The following COL4A4 variants were observed in gnomAD, a reference collection of about 807,000 sequenced individuals.
COL4A4 encodes collagen type IV alpha 4 chain, also known as collagen alpha-4(IV) chain.
A neutral mutation model predicts 192.9 loss-of-function variants in COL4A4; 105 were observed. The ratio of observed to expected loss-of-function variants is 0.54; its 90% CI spans 0.46 to 0.64. The LOEUF (loss-of-function observed/expected upper bound fraction) is 0.64. Ranked by LOEUF, COL4A4 falls within the 30% of genes least tolerant of loss-of-function variation. COL4A4 has a pLI of 0.00. For synonymous variants in COL4A4, 762 were observed against 769.9 expected (o/e 0.99, Z 0.17); for missense variants, 1,967 against 2,169.3 (o/e 0.91, Z 1.85).
At chr2:226,994,511 G>A in the COL4A4 span, among the ~76,000 whole-genome samples, 3 of 152,178 alleles carry the variant, frequency 2.0e-5, no homozygotes, top group African/African-American at 7.2e-5. Context: ...TGATGGGAGA[G>A]AGCCTTTCAG....
chr2:227,136,598 C>T (rs1194996158), intron 4 of COL4A4, among the ~76,000 whole-genome samples: 3 of 152,126 alleles, frequency 2.0e-5, no homozygotes, highest in Non-Finnish European at 4.4e-5. Context: ...TGATTCTCCA[C>T]CTTAGATTGT....
Position 227,025,829 on chromosome 2 carries a change from A to C in COL4A4, c.4082-19T>G. Reference sequence around the variant, plus strand: ...CTGGGACCTAGAGGGATCCAAAGACAACAAACGAGGCCAGTCCATGATTTT... The same window carrying C: ...CTGGGACCTAGAGGGATCCAAAGACCACAAACGAGGCCAGTCCATGATTTT... On this transcript the variant is annotated intron_variant, in intron 42 of 47. Coordinates refer to ENST00000396625, the MANE Select transcript of COL4A4 (RefSeq NM_000092.5). 1 of 1,612,622 alleles carries C rather than the reference A, an allele frequency of 6.2e-7. No individual in the cohort carries two copies. The highest frequency in any genetic ancestry group is 8.5e-7 in the Non-Finnish European group (1 of 1,179,192).
At chr2:227,087,010 G>C (rs2059638363) in intron 22 of COL4A4, among the ~76,000 whole-genome samples, 1 of 152,190 alleles carries the variant, frequency 6.6e-6, no homozygotes, top group Non-Finnish European at 1.5e-5. Context: ...ATTTTCTGGG[G>C]AAAATGGAAA....
chr2:227,011,697 A>T (rs1157211075), intron 45 of COL4A4, among the ~76,000 whole-genome samples: 1 of 152,052 alleles, frequency 6.6e-6, no homozygotes, highest in African/African-American at 2.4e-5. Flanking sequence ...TTTTTCTTTT[A>T]AGAAAGAGCC....
intron 13 of COL4A4, among the ~76,000 whole-genome samples, chr2:227,103,608 C>A (rs1441690930): frequency 6.6e-6 from 1 of 152,218 alleles, no homozygotes; most frequent in Non-Finnish European, 1.5e-5. Context: ...CAGTTCTATG[C>A]ATTTGTTACC....
intron 31 of COL4A4, among the ~76,000 whole-genome samples, chr2:227,054,202 C>T (rs994691035): frequency 6.6e-6 from 1 of 152,134 alleles, no homozygotes; most frequent in Non-Finnish European, 1.5e-5. Flanking sequence ...ACCAGATGGT[C>T]TGCAAAGCCT....
At chr2:226,970,030 T>C in the COL4A4 span, among the ~76,000 whole-genome samples, 5 of 135,550 alleles carry the variant, frequency 3.7e-5, no homozygotes, top group African/African-American at 1.1e-4. Flanking sequence ...CTGGGCTGCT[T>C]TTAACCTGGT....
chr2:227,087,672 C>T (rs2059677018), intron 22 of COL4A4, among the ~76,000 whole-genome samples: 2 of 152,170 alleles, frequency 1.3e-5, no homozygotes, highest in South Asian at 4.1e-4. Context: ...CCTCCCAGCT[C>T]ATCTCCCAGC....
intron 29 of COL4A4, among the ~76,000 whole-genome samples, chr2:227,057,168 T>C (rs553373060): frequency 6.6e-6 from 1 of 152,324 alleles, no homozygotes; most frequent in South Asian, 2.1e-4. Context: ...TTCTCACAGG[T>C]TGCTATAAAG....
chr2:227,122,551 G>A (rs1037249214), intron 4 of COL4A4, among the ~76,000 whole-genome samples: 1 of 152,186 alleles, frequency 6.6e-6, no homozygotes, highest in Non-Finnish European at 1.5e-5. Flanking sequence ...TTCTTGCAGA[G>A]TCGCATCTAT....
Position 227,080,466 on chromosome 2 carries a change from C to G in COL4A4, c.1780G>C (p.Glu594Gln). 1 of 1,614,092 alleles carries G rather than the reference C, an allele frequency of 6.2e-7. No individual in the cohort carries two copies. Among genetic ancestry groups the G allele is most frequent in the Non-Finnish European group, 8.5e-7 (1 of 1,180,000 alleles). Residue 594 changes from glutamate (E) to glutamine (Q), a missense_variant, in exon 24 of 48, where the codon GAA becomes CAA. Physicochemically the swap from Glu to Gln is conservative, Grantham distance 29. Coordinates refer to ENST00000396625, the MANE Select transcript of COL4A4 (RefSeq NM_000092.5). ...ACTGGAGGTCCTGGATCCCCTTTTTCTCCAGCATGTCCATCCCGACCATGT... is the reference window on the plus strand; with the variant it reads ...ACTGGAGGTCCTGGATCCCCTTTTTGTCCAGCATGTCCATCCCGACCATGT... ...GSHGRDGHAG[E>Q]KGDPGPPGDH...
chr2:227,093,290 T>TAAACAAAACA (rs367690088), intron 20 of COL4A4, among the ~76,000 whole-genome samples: 53 of 151,932 alleles, frequency 3.5e-4, no homozygotes, highest in African/African-American at 1.2e-3. Flanking sequence ...AGCCACCAGG[T>TAAACAAAACA]AAACAAAACA....
At chr2:227,067,101 A>G (rs2058389638) in intron 25 of COL4A4, among the ~76,000 whole-genome samples, 1 of 152,088 alleles carries the variant, frequency 6.6e-6, no homozygotes, top group African/African-American at 2.4e-5. Context: ...AAACCAACAA[A>G]GATCAAAAGA....
chr2:227,059,894 G>A (rs570785050), intron 27 of COL4A4, among the ~76,000 whole-genome samples: 3 of 152,036 alleles, frequency 2.0e-5, no homozygotes, highest in East Asian at 3.9e-4. Context: ...CAACATAATA[G>A]ACAAATAATA....
intron 7 of COL4A4, among the ~76,000 whole-genome samples, chr2:227,118,079 T>G (rs1406293504): frequency 6.6e-6 from 1 of 152,068 alleles, no homozygotes; most frequent in East Asian, 1.9e-4. Flanking sequence ...TGTCTAGACG[T>G]GGGGTGACAG....
In COL4A4 at chr2:227,057,371, G is replaced by C; in HGVS notation, c.2545+68C>G. 3 of 1,523,662 alleles carry C rather than the reference G, an allele frequency of 2.0e-6. No individual in the cohort carries two copies. In the South Asian group the frequency reaches 3.6e-5, roughly 18 times the overall value. The allele number at this position is 1,523,662 out of a possible 1,614,324, so 94.4% of individuals were successfully genotyped here. On this transcript the variant is annotated intron_variant, in intron 29 of 47. Coordinates refer to ENST00000396625, the MANE Select transcript of COL4A4 (RefSeq NM_000092.5). ...TGCTTCTGGCAGCATCCATAAAAGA[G>C]TAAAAGGGGAGCTTATTTAATTGTA...
intron 35 of COL4A4, 25 bp downstream of exon 35, chr2:227,047,450 T>C: frequency 1.3e-6 from 2 of 1,583,694 alleles, no homozygotes; most frequent in South Asian, 2.2e-5. Flanking sequence ...TTTTTTGTTT[T>C]AGTAAGAAAA....
rs1963386451 is a variant in COL4A4 at position 227,010,348 on chromosome 2, A to G, written c.4487T>C (p.Leu1496Pro). Residue 1496 changes from leucine to proline, a missense_variant, in exon 46 of 48, where the codon CTG (leucine) becomes CCG (proline). Transcript: ENST00000396625. ...ATTGTGAGCTTTCTCTTGCCCTTCC[A>G]GGTATAACAGACTATACCCAGTCCA... ...RLWTGYSLLY[L>P]EGQEKAHNQD... 6.2e-7 allele frequency: 1 copy of G among 1,614,232 alleles called. No homozygotes were observed. The highest frequency in any genetic ancestry group is 8.5e-7 in the Non-Finnish European group (1 of 1,180,038).
chr2:227,081,881 T>C (rs2059345417), intron 23 of COL4A4, among the ~76,000 whole-genome samples: 1 of 152,216 alleles, frequency 6.6e-6, no homozygotes, highest in Non-Finnish European at 1.5e-5. Context: ...AAGTTCACTA[T>C]AATGAAGATG....
Sources: gnomAD v4.1 joint callset for allele counts (sites outside exome capture counted in the v4.1 genomes callset) on GRCh38, gnomAD v4.1.1 for gene constraint, MANE v1.5 for transcripts, NCBI Gene and HGNC (gene_info 2026-07-23, HGNC 2026-07-21) for gene names.